The following HPSE2 variants were observed in gnomAD, a reference collection of about 807,000 sequenced individuals.
The protein encoded by HPSE2 is heparanase 2 (inactive), also known as inactive heparanase-2.
A neutral mutation model predicts 60.5 loss-of-function variants in HPSE2; 38 were observed. The ratio of observed to expected loss-of-function variants is 0.63; its 90% CI spans 0.48 to 0.82. The LOEUF is 0.82. HPSE2 is among the 40% of genes least tolerant of loss of function. The pLI is 0.00. For missense variants in HPSE2, 713 were observed against 740.4 expected, an observed-to-expected ratio of 0.96 and a Z score of 0.43; for synonymous variants, 295 against 293.2, an observed-to-expected ratio of 1.01 and a Z score of -0.06.
intron 3 of HPSE2, among the ~76,000 whole-genome samples, chr10:99,107,816 T>G (rs1844307302): frequency 6.6e-6 from 1 of 152,212 alleles, no homozygotes. Flanking sequence ...CACGCTCATT[T>G]AGTATATTTG....
rs1274428282 is a variant in HPSE2 at position 98,932,114 on chromosome 10, A to C, written c.611-188058T>G. 2.8e-5 allele frequency among the ~76,000 whole-genome samples: 4 copies of C among 143,540 alleles called. 1 individual carries two copies. The highest frequency in any genetic ancestry group is 6.0e-5 in the Non-Finnish European group (4 of 67,196). The allele number at this position is 143,540 out of a possible 152,430, so 94.2% of individuals were successfully genotyped here. A position where few individuals can be genotyped will look rare whatever the true frequency, so the allele number is the denominator to read the frequency against. Reference sequence around the variant, plus strand: ...GATATTGGCTGTGGGCTTGTCATAAATGGTTCTTATTATTTTGAGGTATGT... The same window carrying C: ...GATATTGGCTGTGGGCTTGTCATAACTGGTTCTTATTATTTTGAGGTATGT... On this transcript the variant is annotated intron_variant, in intron 3 of 11. Coordinates refer to ENST00000370552, the MANE Select transcript of HPSE2 (RefSeq NM_021828.5).
chr10:98,978,782 T>C (rs977748435), intron 3 of HPSE2, among the ~76,000 whole-genome samples: 2 of 152,226 alleles, frequency 1.3e-5, no homozygotes, highest in Admixed American at 1.3e-4. Flanking sequence ...CTAATTACAG[T>C]TGATCCTTGT....
intron 3 of HPSE2, among the ~76,000 whole-genome samples, chr10:99,022,031 T>TCCCTCCC (rs1957274733): frequency 9.0e-6 from 1 of 110,574 alleles, no homozygotes; most frequent in Non-Finnish European, 1.8e-5. Context: ...CCTAATGCTA[T>TCCCTCCC]CCCTCCCCCC....
At chr10:99,025,983 T>A (rs1266219557) in intron 3 of HPSE2, among the ~76,000 whole-genome samples, 5 of 151,096 alleles carry the variant, frequency 3.3e-5, no homozygotes. Flanking sequence ...TACAAAATAA[T>A]AAAAAGCAAG....
At chr10:98,736,160 G>A (rs1949352264) in intron 4 of HPSE2, among the ~76,000 whole-genome samples, 1 of 151,782 alleles carries the variant, frequency 6.6e-6, no homozygotes, top group South Asian at 2.1e-4. Flanking sequence ...TCATGGTAGT[G>A]AATAAGTCTC....
intron 2 of HPSE2, among the ~76,000 whole-genome samples, chr10:99,189,291 T>C (rs747838642): frequency 6.6e-6 from 1 of 152,220 alleles, no homozygotes; most frequent in African/African-American, 2.4e-5. Context: ...GGCTTCTGGC[T>C]TCTTGTATTT....
upstream of HPSE2, among the ~76,000 whole-genome samples, chr10:99,240,323 A>T (rs1169592112): frequency 6.6e-6 from 1 of 151,810 alleles, no homozygotes; most frequent in African/African-American, 2.4e-5. Context: ...CTGGGATATT[A>T]TTCTGTGTTT....
intron 3 of HPSE2, among the ~76,000 whole-genome samples, chr10:99,100,333 T>G (rs1292596224): frequency 6.6e-6 from 1 of 152,106 alleles, no homozygotes; most frequent in Non-Finnish European, 1.5e-5. Flanking sequence ...GCACAAGAAC[T>G]ACATGACAAA....
upstream of HPSE2, among the ~76,000 whole-genome samples, chr10:99,237,363 T>TTAAA (rs745660014): frequency 2.6e-5 from 4 of 152,120 alleles, no homozygotes; most frequent in Non-Finnish European, 5.9e-5. Context: ...AGGGTTAGTC[T>TTAAA]TAAAGCCCAG....
intron 2 of HPSE2, among the ~76,000 whole-genome samples, chr10:99,215,197 C>T (rs1849078400): frequency 6.6e-6 from 1 of 152,132 alleles, no homozygotes; most frequent in African/African-American, 2.4e-5. Context: ...ATGGAACCAA[C>T]CCAAATGCCC....
At chr10:99,307,563 C>T in the HPSE2 span, among the ~76,000 whole-genome samples, 2 of 152,156 alleles carry the variant, frequency 1.3e-5, no homozygotes, top group African/African-American at 4.8e-5. Context: ...AACACTTCTG[C>T]TTCTGCTTCT....
chr10:99,244,382 T>TTTA, the HPSE2 span, among the ~76,000 whole-genome samples: 54,037 of 133,514 alleles, frequency 0.4, 12,225 homozygotes, highest in East Asian at 0.51. Flanking sequence ...TTTTATTTCT[T>TTTA]TTATTATTAT....
chr10:99,224,730 A>G (rs17111310), intron 2 of HPSE2, among the ~76,000 whole-genome samples: 2,532 of 152,254 alleles, frequency 0.017, 105 homozygotes, highest in East Asian at 0.16. Flanking sequence ...AATTTGGCAG[A>G]TGAAATAATA....
At chr10:99,238,501 C>A (rs1167612346), upstream of HPSE2, among the ~76,000 whole-genome samples, 2 of 152,110 alleles carry the variant, frequency 1.3e-5, no homozygotes, top group Non-Finnish European at 1.5e-5. Flanking sequence ...TGATGAAAAC[C>A]ATTTCTCTAG....
At chr10:99,247,006 A>G in the HPSE2 span, among the ~76,000 whole-genome samples, 85 of 152,282 alleles carry the variant, frequency 5.6e-4, no homozygotes, top group African/African-American at 2.0e-3. Context: ...CCATAATCGT[A>G]TATTTGGGCT....
At chr10:99,054,865 C>G (rs866071218) in intron 3 of HPSE2, among the ~76,000 whole-genome samples, 3 of 152,072 alleles carry the variant, frequency 2.0e-5, no homozygotes, top group Non-Finnish European at 4.4e-5. Context: ...CACCCAGCAC[C>G]ATGCCCAGCT....
chr10:98,573,547 G>A (rs1043672334), intron 9 of HPSE2, among the ~76,000 whole-genome samples: 4 of 152,168 alleles, frequency 2.6e-5, no homozygotes, highest in African/African-American at 9.7e-5. Flanking sequence ...TAAAAGCACA[G>A]GTGAAATGGG....
At chr10:98,774,351 C>T (rs536439760) in intron 3 of HPSE2, among the ~76,000 whole-genome samples, 1 of 152,150 alleles carries the variant, frequency 6.6e-6, no homozygotes, top group East Asian at 1.9e-4. Context: ...GCTAGACATC[C>T]ACAGCTATTA....
At chr10:99,249,433 G>A in the HPSE2 span, among the ~76,000 whole-genome samples, 1 of 152,166 alleles carries the variant, frequency 6.6e-6, no homozygotes, top group Admixed American at 6.5e-5. Context: ...CCCTCTCTTT[G>A]GCTGATTTCT....
Sources: allele counts gnomAD v4.1 joint callset (sites outside exome capture counted in the v4.1 genomes callset), GRCh38; gene constraint gnomAD v4.1.1; transcripts MANE v1.5; gene names NCBI Gene and HGNC (gene_info 2026-07-23, HGNC 2026-07-21).